Variants in PLA2G5 observed in about 807,000 individuals in gnomAD.
PLA2G5 encodes the protein Ca2+-dependent phospholipase A2.
Under a neutral mutation model 15.9 loss-of-function variants are expected in PLA2G5, and 12 were observed. That is an observed-to-expected ratio of 0.76 (90% CI 0.48 to 1.23). The LOEUF is 1.23. Ranked by LOEUF, PLA2G5 falls within the 50% of genes most tolerant of loss-of-function variation. The probability of loss-of-function intolerance (pLI) is 0.00; values close to 1 mark genes in which losing one functional copy is unlikely to be tolerated. For missense variants in PLA2G5, 169 were observed against 177.1 expected (o/e 0.95, Z 0.26); for synonymous variants, 71 against 71.4 (o/e 0.99, Z 0.03).
At chr1:20,067,442 C>T (rs1390485681), upstream of PLA2G5, among the ~76,000 whole-genome samples, 2 of 152,152 alleles carry the variant, frequency 1.3e-5, 1 homozygote, top group Non-Finnish European at 2.9e-5. Flanking sequence ...AATTCCAGCA[C>T]TTTGGGAGGC....
intron 1 of PLA2G5, among the ~76,000 whole-genome samples, chr1:20,076,274 T>C (rs11573219): frequency 0.38 from 50,908 of 135,304 alleles, 9,375 homozygotes; most frequent in Middle Eastern, 0.49. Flanking sequence ...AAAGCATTTC[T>C]TAGGGCTGTA....
intron 1 of PLA2G5, among the ~76,000 whole-genome samples, chr1:20,038,808 G>A (rs2013425443): frequency 6.6e-6 from 1 of 152,156 alleles, no homozygotes; most frequent in Admixed American, 6.5e-5. Flanking sequence ...AGTAATAATA[G>A]TGGGCAACTA....
intron 1 of PLA2G5, among the ~76,000 whole-genome samples, chr1:20,080,907 G>A (rs1156926024): frequency 1.3e-5 from 2 of 151,940 alleles, no homozygotes; most frequent in Non-Finnish European, 2.9e-5. Flanking sequence ...GGTCAGGGGA[G>A]CAGGGCCCGA....
chr1:20,039,507 A>G lies in PLA2G5; in HGVS notation n.276+10798A>G, dbSNP rs143051725. Among the ~76,000 whole-genome samples the G allele has an allele frequency of 5.0e-3, 759 of 152,388 alleles. 9 individuals carry two copies. Among genetic ancestry groups the G allele is most frequent in the African/African-American group, 0.017 (712 of 41,596 alleles). ...ATTGTTGCAAAGAATCAATGTCAGT[A>G]AAACTTTACAAATTGCTGCTGAGGA... On this transcript the variant is annotated intron_variant and non_coding_transcript_variant, in intron 1 of 6. Coordinates refer to the PLA2G5 transcript ENST00000460175.
At chr1:20,030,101 GAC>G (rs1348924746) in intron 1 of PLA2G5, among the ~76,000 whole-genome samples, 2 of 152,176 alleles carry the variant, frequency 1.3e-5, no homozygotes, top group Admixed American at 1.3e-4. Context: ...AAAGAAATAA[GAC>G]ACAGAGAAAA....
chr1:20,044,653 A>T (rs1388872929), intron 1 of PLA2G5, among the ~76,000 whole-genome samples: 1 of 152,060 alleles, frequency 6.6e-6, no homozygotes, highest in Admixed American at 6.6e-5. Flanking sequence ...CTTTAAGAGG[A>T]AATTGTTGGG....
chr1:20,071,550 A>G (rs513246), intron 1 of PLA2G5, among the ~76,000 whole-genome samples: 85,228 of 151,968 alleles, frequency 0.56, 24,004 homozygotes, highest in Middle Eastern at 0.71. Context: ...GTGAAGAGAG[A>G]GAGCACACGG....
rs546104518 is a variant in PLA2G5 at position 20,036,053 on chromosome 1, C to T, written n.276+7344C>T. ...TTGATAATTGTTTTGTTTAAAGAGACTAAAGATACAACCCCAATCCCTTCT... is the reference window on the plus strand; with the variant it reads ...TTGATAATTGTTTTGTTTAAAGAGATTAAAGATACAACCCCAATCCCTTCT... On this transcript the variant is annotated intron_variant and non_coding_transcript_variant, in intron 1 of 6. Transcript: ENST00000460175. 2.0e-4 allele frequency among the ~76,000 whole-genome samples: 30 copies of T among 152,274 alleles called. No individual in the cohort carries two copies. The South Asian group carries it at 6.0e-3, about 31-fold the overall frequency.
chr1:20,048,830 G>A (rs1334139054), intron 1 of PLA2G5, among the ~76,000 whole-genome samples: 1 of 152,140 alleles, frequency 6.6e-6, no homozygotes, highest in African/African-American at 2.4e-5. Flanking sequence ...TTAGGTAAGT[G>A]TAATGGACTG....
At chr1:20,051,892 G>C (rs1467489467) in intron 1 of PLA2G5, among the ~76,000 whole-genome samples, 2 of 152,106 alleles carry the variant, frequency 1.3e-5, no homozygotes, top group East Asian at 3.9e-4. Context: ...AAGGGGAGAG[G>C]AATTCACCCA....
chr1:20,072,609 AG>A lies in PLA2G5; in HGVS notation c.-11+2146del, dbSNP rs530767687. On this transcript the variant is annotated intron_variant, in intron 1 of 4. Transcript: ENST00000375108. ...GGGTGGTATAAGGCAAGGCTGGCGT[AG>A]GTTGGGGGCCAAGCTGTGCGAGGCC... 3.3e-5 allele frequency among the ~76,000 whole-genome samples: 5 copies of A among 152,302 alleles called. No homozygotes were observed. The South Asian group carries it at 1.0e-3, about 32-fold the overall frequency.
chr1:20,040,911 G>A (rs148164380), intron 1 of PLA2G5, among the ~76,000 whole-genome samples: 15 of 152,198 alleles, frequency 9.9e-5, no homozygotes, highest in East Asian at 1.9e-4. Flanking sequence ...CCCCCTACCC[G>A]CTTCAAGTTG....
chr1:20,062,689 C>A (rs1217386226), intron 2 of PLA2G5, among the ~76,000 whole-genome samples: 1 of 151,964 alleles, frequency 6.6e-6, no homozygotes, highest in East Asian at 1.9e-4. Context: ...AGGTGGCACA[C>A]TGCTGTCCTT....
At chr1:20,060,980 G>A (rs1002563357) in intron 2 of PLA2G5, among the ~76,000 whole-genome samples, 6 of 152,086 alleles carry the variant, frequency 3.9e-5, no homozygotes, top group Non-Finnish European at 4.4e-5. Flanking sequence ...GCCTCCCAAA[G>A]TGCCGGGATT....
At chr1:20,036,436 A>T (rs1048943588) in intron 1 of PLA2G5, among the ~76,000 whole-genome samples, 11 of 152,018 alleles carry the variant, frequency 7.2e-5, no homozygotes, top group Non-Finnish European at 1.5e-4. Context: ...TTCATTTTTT[A>T]AAAATTCTTT....
At chr1:20,076,190 C>T (rs532045934) in intron 1 of PLA2G5, among the ~76,000 whole-genome samples, 1 of 152,226 alleles carries the variant, frequency 6.6e-6, no homozygotes, top group East Asian at 1.9e-4. Flanking sequence ...GGATGTCTGT[C>T]TAGGATCTCT....
At chr1:20,089,577 C>A (rs537727412) in intron 3 of PLA2G5, among the ~76,000 whole-genome samples, 1 of 152,106 alleles carries the variant, frequency 6.6e-6, no homozygotes, top group Non-Finnish European at 1.5e-5. Flanking sequence ...GTAGTCTAGT[C>A]GTGAGACCAG....
intron 1 of PLA2G5, among the ~76,000 whole-genome samples, chr1:20,029,732 A>G (rs538176549): frequency 7.2e-5 from 11 of 152,308 alleles, no homozygotes; most frequent in African/African-American, 2.6e-4. Flanking sequence ...ACAGGGGATG[A>G]TGTGTATAGT....
chr1:20,088,964 C>T (rs920822611), intron 3 of PLA2G5: 1 of 152,098 alleles, frequency 6.6e-6, no homozygotes, highest in Non-Finnish European at 1.5e-5. Flanking sequence ...CCATGCCTGG[C>T]TAATTATATA....
Sources: allele counts gnomAD v4.1 joint callset (sites outside exome capture counted in the v4.1 genomes callset), GRCh38; gene constraint gnomAD v4.1.1; transcripts MANE v1.5; gene names NCBI Gene and HGNC (gene_info 2026-07-23, HGNC 2026-07-21).